The following MBNL1 variants were observed in gnomAD, a reference collection of about 807,000 sequenced individuals.
MBNL1 encodes muscleblind like splicing regulator 1.
A neutral mutation model predicts 42.2 loss-of-function variants in MBNL1; 8 were observed. That is an observed-to-expected ratio of 0.19 (90% CI 0.11 to 0.34). MBNL1 has a LOEUF of 0.34. Ranked by LOEUF, MBNL1 falls within the 10% of genes least tolerant of loss-of-function variation. The pLI, the probability that MBNL1 is intolerant of heterozygous loss-of-function variation, is 1.00. For missense variants in MBNL1, 309 were observed against 495.3 expected, an observed-to-expected ratio of 0.62 and a Z score of 3.57; for synonymous variants, 169 against 173.9, an observed-to-expected ratio of 0.97 and a Z score of 0.22.
chr3:152,457,280 G>A (rs1241266440), intron 8 of MBNL1, among the ~76,000 whole-genome samples: 1 of 152,278 alleles, frequency 6.6e-6, no homozygotes, highest in East Asian at 1.9e-4. Context: ...GATAGTGTAT[G>A]AAAAACATAG....
At chr3:152,287,471 G>A (rs537018299) in intron 1 of MBNL1, among the ~76,000 whole-genome samples, 2 of 152,220 alleles carry the variant, frequency 1.3e-5, no homozygotes, top group East Asian at 3.9e-4. Context: ...GCAGTCTCTG[G>A]TAAGAATAAT....
chr3:152,350,012 G>A lies in MBNL1; in HGVS notation c.174+49645G>A, dbSNP rs923648111. On this transcript the variant is annotated intron_variant, in intron 2 of 9. Coordinates refer to ENST00000324210, the MANE Select transcript of MBNL1 (RefSeq NM_021038.5). ...AAAACATCTGAAACCCTCTTACACAGACTGATAGTGCTGTGATAGGAAGAA... is the reference window on the plus strand; with the variant it reads ...AAAACATCTGAAACCCTCTTACACAAACTGATAGTGCTGTGATAGGAAGAA... 2.0e-5 allele frequency among the ~76,000 whole-genome samples: 3 copies of A among 152,116 alleles called. No individual in the cohort carries two copies. The South Asian group carries it at 6.2e-4, about 31-fold the overall frequency.
chr3:152,358,403 T>A (rs1368333327), intron 2 of MBNL1, among the ~76,000 whole-genome samples: 2 of 152,122 alleles, frequency 1.3e-5, no homozygotes, highest in Admixed American at 1.3e-4. Context: ...TCCTGGTATG[T>A]GAGAGAAAAA....
At chr3:152,433,675 G>A (rs967996805) in intron 4 of MBNL1, among the ~76,000 whole-genome samples, 33 of 151,414 alleles carry the variant, frequency 2.2e-4, no homozygotes, top group Admixed American at 7.2e-4. Flanking sequence ...GCGTGAACCC[G>A]GGAGGCAGAG....
chr3:152,349,935 C>T (rs1310117933), intron 2 of MBNL1, among the ~76,000 whole-genome samples: 1 of 152,028 alleles, frequency 6.6e-6, no homozygotes, highest in Non-Finnish European at 1.5e-5. Context: ...GATGTTTTCT[C>T]TTTCTTTTTA....
chr3:152,458,949 G>T, intron 8 of MBNL1: 1 of 195,278 alleles, frequency 5.1e-6, no homozygotes, highest in Non-Finnish European at 1.0e-5. Context: ...CTGAAACCAC[G>T]GGGGTGCGTG....
chr3:152,378,912 C>G (rs548477729), intron 2 of MBNL1, among the ~76,000 whole-genome samples: 2 of 151,746 alleles, frequency 1.3e-5, no homozygotes, highest in South Asian at 4.2e-4. Flanking sequence ...GATCAGGTGT[C>G]ACTATGTTGC....
chr3:152,254,136 G>A (rs2035098072), intron 2 of MBNL1, among the ~76,000 whole-genome samples: 1 of 152,108 alleles, frequency 6.6e-6, no homozygotes, highest in African/African-American at 2.4e-5. Context: ...TTCCAACACT[G>A]TCTTCAAGGG....
At chr3:152,305,521 C>T (rs1216054682) in intron 2 of MBNL1, among the ~76,000 whole-genome samples, 1 of 150,624 alleles carries the variant, frequency 6.6e-6, no homozygotes, top group Non-Finnish European at 1.5e-5. Context: ...AGCAGTACTA[C>T]ATCCTGTGCT....
chr3:152,401,821 C>T (rs1366937329), intron 2 of MBNL1, among the ~76,000 whole-genome samples: 6 of 151,884 alleles, frequency 4.0e-5, no homozygotes, highest in East Asian at 1.9e-4. Flanking sequence ...GTCAAGAGAT[C>T]GAGACCATCC....
At position 152,463,160 on chromosome 3, in the gene MBNL1, C is replaced by G. The variant is rs1302319809; in HGVS notation, c.*794C>G. 6.7e-6 allele frequency: 1 copy of G among 149,180 alleles called. No homozygotes were observed. Among genetic ancestry groups the G allele is most frequent in the Non-Finnish European group, 1.5e-5 (1 of 67,360 alleles). The allele number at this position is 149,180 out of a possible 1,614,324, so 9.2% of individuals were successfully genotyped here. On this transcript the variant is annotated 3_prime_UTR_variant, in exon 10 of 10. Coordinates refer to ENST00000324210, the MANE Select transcript of MBNL1 (RefSeq NM_021038.5). ...CATTCTTTTTTTTTTTTTTTGAAACCAAAGCTGTCTCAGAAATGGCCAATT... is the reference window on the plus strand; with the variant it reads ...CATTCTTTTTTTTTTTTTTTGAAACGAAAGCTGTCTCAGAAATGGCCAATT...
chr3:152,379,778 C>T (rs1416732459), intron 2 of MBNL1, among the ~76,000 whole-genome samples: 2 of 151,454 alleles, frequency 1.3e-5, no homozygotes, highest in Non-Finnish European at 2.9e-5. Context: ...ATTTTTTTTC[C>T]CTTTAGTTAA....
At position 152,269,047 on chromosome 3, in the gene MBNL1, G is replaced by A. The variant is rs2038269179; in HGVS notation, c.-835G>A. 4.4e-6 allele frequency: 2 copies of A among 455,994 alleles called. No individual in the cohort carries two copies. Among genetic ancestry groups the A allele is most frequent in the Non-Finnish European group, 8.8e-6 (2 of 226,958 alleles). The allele number at this position is 455,994 out of a possible 1,614,324, so 28.2% of individuals were successfully genotyped here. On this transcript the variant is annotated 5_prime_UTR_variant, in exon 1 of 10. Transcript: ENST00000324210. ...AATCATGACTCCCACAATGCCTTGG[G>A]CACTTGGTCGACAGTGGGGCCGCCT...
chr3:152,300,454 G>T, intron 2 of MBNL1, 87 bp downstream of exon 2: 1 of 1,145,014 alleles, frequency 8.7e-7, no homozygotes. Context: ...TGGGATTATG[G>T]ATTGCTTTGT....
chr3:152,383,632 T>G (rs891476295), intron 2 of MBNL1, among the ~76,000 whole-genome samples: 1 of 152,062 alleles, frequency 6.6e-6, no homozygotes, highest in African/African-American at 2.4e-5. Context: ...TCCCAAGTGA[T>G]CCCTCCAGAG....
chr3:152,255,282 A>T (rs1047451112), intron 2 of MBNL1, among the ~76,000 whole-genome samples: 31 of 152,166 alleles, frequency 2.0e-4, no homozygotes, highest in African/African-American at 6.8e-4. Flanking sequence ...AAAAGTTGTG[A>T]TAATAAATTT....
intron 2 of MBNL1, among the ~76,000 whole-genome samples, chr3:152,307,404 A>G (rs2063754078): frequency 6.6e-6 from 1 of 152,214 alleles, no homozygotes; most frequent in Admixed American, 6.5e-5. Flanking sequence ...CTGCACTTTG[A>G]TTTGTATTTC....
At chr3:152,447,973 T>G (rs1195156129) in intron 6 of MBNL1, among the ~76,000 whole-genome samples, 200 bp downstream of exon 6, 1 of 152,246 alleles carries the variant, frequency 6.6e-6, no homozygotes, top group Non-Finnish European at 1.5e-5. Flanking sequence ...AAATGTGGAT[T>G]AAAGATCAGT....
intron 3 of MBNL1, among the ~76,000 whole-genome samples, chr3:152,419,877 C>A (rs151040238): frequency 6.6e-6 from 1 of 152,140 alleles, no homozygotes; most frequent in African/African-American, 2.4e-5. Context: ...GAAATTCTTG[C>A]TGCCAGCACC....
Sources: gnomAD v4.1 joint callset for allele counts (sites outside exome capture counted in the v4.1 genomes callset) on GRCh38, gnomAD v4.1.1 for gene constraint, MANE v1.5 for transcripts, NCBI Gene and HGNC (gene_info 2026-07-23, HGNC 2026-07-21) for gene names.